Variants in SRGAP2B observed in about 807,000 individuals in gnomAD.
SRGAP2B encodes SLIT-ROBO Rho GTPase-activating protein 2B.
In SRGAP2B, 9 loss-of-function variants were observed where a neutral mutation model predicts 22.2. That is an observed-to-expected ratio of 0.41 (90% CI 0.24 to 0.71). SRGAP2B has a LOEUF of 0.71. SRGAP2B is among the 30% of genes least tolerant of loss of function. SRGAP2B has a pLI of 0.35. For synonymous variants in SRGAP2B, 36 were observed against 87.4 expected (o/e 0.41, Z 3.28); for missense variants, 114 against 235.8 (o/e 0.48, Z 3.38).
rs782588401 is a variant in SRGAP2B at position 144,934,403 on chromosome 1, C to CAAAAAAA, written c.424-19656_424-19650dup. On this transcript the variant is annotated intron_variant, in intron 4 of 9. Transcript: ENST00000612199. ...GGGCAACAAGAGCAAAACTCCATCT[C>CAAAAAAA]AAAAAAAAAAAAAAAAAAAAAAAGA... is the stretch of plus-strand genomic sequence containing the variant. 1.9e-3 allele frequency among the ~76,000 whole-genome samples: 77 copies of CAAAAAAA among 40,674 alleles called. 1 individual carries two copies. Among genetic ancestry groups the CAAAAAAA allele is most frequent in the African/African-American group, 7.9e-3 (74 of 9,386 alleles). 26.7% of individuals were successfully genotyped at this position (40,674 alleles called of 152,430 possible).
At chr1:144,907,536 T>TATGAAAAGAGAA (rs1663080652) in intron 5 of SRGAP2B, among the ~76,000 whole-genome samples, 2 of 150,142 alleles carry the variant, frequency 1.3e-5, no homozygotes, top group African/African-American at 5.0e-5. Flanking sequence ...AGAAACTGGT[T>TATGAAAAGAGAA]CCGTGTATGA....
chr1:145,002,741 A>G (rs1464203325), intron 2 of SRGAP2B, among the ~76,000 whole-genome samples: 1 of 147,824 alleles, frequency 6.8e-6, no homozygotes, highest in African/African-American at 2.6e-5. Flanking sequence ...ACATTTCAAA[A>G]TTTCACATAA....
intron 3 of SRGAP2B, among the ~76,000 whole-genome samples, chr1:144,971,770 C>A (rs1308956631): frequency 6.6e-6 from 1 of 150,794 alleles, no homozygotes; most frequent in Non-Finnish European, 1.5e-5. Context: ...AAGGGACTTT[C>A]AAGATGGTCT....
In SRGAP2B at chr1:144,957,654, G is replaced by GA. The variant is rs201304121; in HGVS notation, c.261-2054dup. Reference sequence around the variant, plus strand: ...CCTTTCAAAATGTTTAGTATCTGGGGAAAAAAAAGTGAACTGGAAACAATC... The same window carrying GA: ...CCTTTCAAAATGTTTAGTATCTGGGGAAAAAAAAAGTGAACTGGAAACAATC... On this transcript the variant is annotated intron_variant, in intron 3 of 9. Transcript: ENST00000612199. 2.1e-5 allele frequency among the ~76,000 whole-genome samples: 3 copies of GA among 145,268 alleles called. No homozygotes were observed. In the Admixed American group the frequency reaches 2.1e-4, roughly 10 times the overall value.
chr1:144,975,868 C>CTTTTTTTTTTTTT (rs56268353), intron 3 of SRGAP2B, among the ~76,000 whole-genome samples: 1 of 27,344 alleles, frequency 3.7e-5, no homozygotes, highest in Non-Finnish European at 5.8e-5. Flanking sequence ...GTTAGTAATT[C>CTTTTTTTTTTTTT]TTTTTTTTTT....
At chr1:145,044,650 TAAAAAAAAAAAA>T (rs1184404731) in intron 2 of SRGAP2B, among the ~76,000 whole-genome samples, 8 of 30,662 alleles carry the variant, frequency 2.6e-4, no homozygotes, top group Non-Finnish European at 2.8e-4. Context: ...AACCCCCTCC[TAAAAAAAAAAAA>T]AAAAAAAAAA....
At chr1:144,967,564 A>C (rs1458952325) in intron 3 of SRGAP2B, among the ~76,000 whole-genome samples, 3 of 148,608 alleles carry the variant, frequency 2.0e-5, no homozygotes, top group South Asian at 2.1e-4. Flanking sequence ...TGACACCCTA[A>C]CATCAAAATT....
At chr1:144,990,845 C>T (rs1228250949) in intron 3 of SRGAP2B, among the ~76,000 whole-genome samples, 7 of 151,424 alleles carry the variant, frequency 4.6e-5, no homozygotes, top group Non-Finnish European at 8.8e-5. Context: ...GGCCCATCGG[C>T]GCTGTGCTCG....
intron 3 of SRGAP2B, among the ~76,000 whole-genome samples, chr1:144,975,389 C>T (rs1200937180): frequency 8.0e-5 from 12 of 149,588 alleles, no homozygotes; most frequent in Non-Finnish European, 1.3e-4. Flanking sequence ...GAGGCTGGAC[C>T]ACTGGGGGTT....
chr1:145,068,849 CAAATAGTTA>C, intron 2 of SRGAP2B, among the ~76,000 whole-genome samples: 1 of 144,920 alleles, frequency 6.9e-6, no homozygotes, highest in East Asian at 2.0e-4. Context: ...ATAGAAATTA[CAAATAGTTA>C]AAATTATCTT....
At chr1:144,975,319 T>C (rs1211456664) in intron 3 of SRGAP2B, among the ~76,000 whole-genome samples, 1 of 148,490 alleles carries the variant, frequency 6.7e-6, no homozygotes, top group Admixed American at 6.6e-5. Context: ...ATGGTTTGAA[T>C]CTGGTTTGTT....
chr1:145,061,556 C>A (rs1650905660), intron 2 of SRGAP2B, among the ~76,000 whole-genome samples: 1 of 148,850 alleles, frequency 6.7e-6, no homozygotes, highest in African/African-American at 2.5e-5. Context: ...CCCTGGCCCA[C>A]ATAAAAAGAT....
chr1:144,966,398 A>G (rs1668085692), intron 3 of SRGAP2B, among the ~76,000 whole-genome samples: 1 of 148,464 alleles, frequency 6.7e-6, no homozygotes, highest in East Asian at 1.9e-4. Flanking sequence ...ACTAAGCTTC[A>G]TAAGTGAAGG....
intron 4 of SRGAP2B, among the ~76,000 whole-genome samples, chr1:144,928,404 GTTATTTAT>G (rs1267611455): frequency 2.6e-5 from 3 of 116,212 alleles, no homozygotes; most frequent in Non-Finnish European, 5.6e-5. Flanking sequence ...CCACTTTTTG[GTTATTTAT>G]TTATTTATTT....
intron 2 of SRGAP2B, among the ~76,000 whole-genome samples, chr1:145,051,496 T>C (rs1446624203): frequency 2.7e-5 from 4 of 148,524 alleles, no homozygotes; most frequent in African/African-American, 1.0e-4. Flanking sequence ...CAACCAAATA[T>C]GCCCACATAA....
chr1:145,080,767 C>T (rs1336860930), intron 2 of SRGAP2B, among the ~76,000 whole-genome samples: 1 of 149,502 alleles, frequency 6.7e-6, no homozygotes, highest in African/African-American at 2.5e-5. Flanking sequence ...GTTGGCCAGG[C>T]TGGTCTTGAA....
At position 144,984,364 on chromosome 1, in the gene SRGAP2B, AC is replaced by A. The variant is rs557772397; in HGVS notation, c.260+10643del. Among the ~76,000 whole-genome samples the A allele has an allele frequency of 7.6e-4, 101 of 132,886 alleles. 1 individual carries two copies. Among genetic ancestry groups the A allele is most frequent in the Admixed American group, 1.3e-3 (18 of 13,380 alleles). The allele number at this position is 132,886 out of a possible 152,430, so 87.2% of individuals were successfully genotyped here. ...AACAACAACAACAACAACAACAACA[AC>A]AAAAAAAAAAAAACAAAAAAGCCCC... is the stretch of plus-strand genomic sequence containing the variant. On this transcript the variant is annotated intron_variant, in intron 3 of 9. Transcript: ENST00000612199.
chr1:144,997,211 A>G (rs1297921769), intron 2 of SRGAP2B, among the ~76,000 whole-genome samples: 4 of 150,456 alleles, frequency 2.7e-5, no homozygotes, highest in African/African-American at 5.0e-5. Context: ...GGCGGATCAC[A>G]AGGTCAGGAG....
chr1:145,059,434 AAAAG>A (rs1650777256), intron 2 of SRGAP2B, among the ~76,000 whole-genome samples: 1 of 57,686 alleles, frequency 1.7e-5, no homozygotes, highest in Admixed American at 2.6e-4. Context: ...TCTGTCTCAA[AAAAG>A]AAAGAAAAAA....
Sources: gnomAD v4.1 joint callset for allele counts (sites outside exome capture counted in the v4.1 genomes callset) on GRCh38, gnomAD v4.1.1 for gene constraint, MANE v1.5 for transcripts, NCBI Gene and HGNC (gene_info 2026-07-23, HGNC 2026-07-21) for gene names.